Variants in ATAD3B observed in about 807,000 individuals in gnomAD.
ATAD3B encodes ATPase family AAA domain containing 3B.
ATAD3B carries 59 observed loss-of-function variants against 70.2 expected under a neutral mutation model. The ratio of observed to expected loss-of-function variants is 0.84; its 90% CI spans 0.68 to 1.04. The LOEUF (loss-of-function observed/expected upper bound fraction) is 1.04. ATAD3B is among the 50% of genes least tolerant of loss of function. The pLI, the probability that ATAD3B is intolerant of heterozygous loss-of-function variation, is 0.00. For missense variants in ATAD3B, 961 were observed against 913.4 expected, an observed-to-expected ratio of 1.05 and a Z score of -0.67; for synonymous variants, 423 against 388.6, an observed-to-expected ratio of 1.09 and a Z score of -1.04.
chr1:1,491,620 T>G (rs1358748252), intron 15 of ATAD3B, among the ~76,000 whole-genome samples: 1 of 151,978 alleles, frequency 6.6e-6, no homozygotes, highest in Non-Finnish European at 1.5e-5. Context: ...ACACAGGCAT[T>G]GCCGCCTCTG....
intron 6 of ATAD3B, 95 bp downstream of exon 6, chr1:1,482,398 C>G: frequency 6.3e-7 from 1 of 1,581,778 alleles, no homozygotes; most frequent in African/African-American, 1.4e-5. Context: ...CAGGCCTGGC[C>G]GCCATAGGCT....
chr1:1,479,954 GGGCACACCCCACCACACACACACACA>G (rs1639818275), intron 4 of ATAD3B, among the ~76,000 whole-genome samples: 1 of 138,836 alleles, frequency 7.2e-6, no homozygotes. Context: ...CTGCACACAC[GGGCACACCCCACCACACACACACACA>G]GGCATGGACA....
intron 5 of ATAD3B, 21 bp downstream of exon 5, chr1:1,480,957 G>T (rs752703430): frequency 1.9e-6 from 3 of 1,588,410 alleles, no homozygotes; most frequent in Non-Finnish European, 2.6e-6. Context: ...TGCTCTCCTG[G>T]CTGGGGCGGA....
rs1395803622 is a variant in ATAD3B, at chr1:1,480,076, CAT to C, written c.445-790_445-789del. On this transcript the variant is annotated intron_variant, in intron 4 of 15. Coordinates refer to ENST00000673477, the MANE Select transcript of ATAD3B (RefSeq NM_031921.6). ...AGACGGGCACGCACACAGTCCCACA[CAT>C]GGGCACACGCGCACACCGCCGCAAA... Among the ~76,000 whole-genome samples the C allele has an allele frequency of 1.4e-5, 2 of 146,638 alleles. 1 individual carries two copies. Among genetic ancestry groups the C allele is most frequent in the African/African-American group, 5.1e-5 (2 of 39,140 alleles).
chr1:1,506,790 T>TC, the ATAD3B span, among the ~76,000 whole-genome samples: 1,887 of 146,956 alleles, frequency 0.013, 44 homozygotes, highest in African/African-American at 0.044. Flanking sequence ...CTTTTTTCTT[T>TC]TTTTTTTTTT....
chr1:1,498,387 C>T (rs183538630), downstream of ATAD3B, among the ~76,000 whole-genome samples: 102 of 151,990 alleles, frequency 6.7e-4, 1 homozygote, highest in East Asian at 0.013. Context: ...ATCGCCTGAG[C>T]ATGGGAGGCA....
chr1:1,503,306 C>A, the ATAD3B span: 4 of 407,372 alleles, frequency 9.8e-6, no homozygotes, highest in African/African-American at 6.0e-5. Context: ...TTGAATTGGG[C>A]AAGAGCCTCC....
At chr1:1,505,540 T>C in the ATAD3B span, among the ~76,000 whole-genome samples, 33 of 152,278 alleles carry the variant, frequency 2.2e-4, no homozygotes, top group Admixed American at 4.6e-4. Flanking sequence ...CTTCCCAGTC[T>C]GCTAAGTAGC....
At chr1:1,480,516 G>A (rs1025732047) in intron 4 of ATAD3B, among the ~76,000 whole-genome samples, 1 of 147,620 alleles carries the variant, frequency 6.8e-6, no homozygotes, top group South Asian at 2.2e-4. Context: ...GTTGCCTGTT[G>A]TGGGCATTGT....
At chr1:1,483,351 C>T in intron 7 of ATAD3B, 1 of 259,868 alleles carries the variant, frequency 3.8e-6, no homozygotes, top group South Asian at 3.4e-5. Flanking sequence ...CCTGGAATCC[C>T]AGCTGCTTGG....
chr1:1,493,463 A>T lies in ATAD3B; in HGVS notation c.1615-2022A>T, dbSNP rs868850009. Among the ~76,000 whole-genome samples, 13 of 150,026 alleles carry T rather than the reference A, an allele frequency of 8.7e-5. 1 individual carries two copies. The highest frequency in any genetic ancestry group is 2.7e-4 in the Admixed American group (4 of 14,930). On this transcript the variant is annotated intron_variant, in intron 15 of 15. Transcript: ENST00000673477. ...TCTTTTCTTTTCTTTTGGTGGGGGGACCAGTCTCGCTTTTGCCGCCCAGGC... is the reference window on the plus strand; with the variant it reads ...TCTTTTCTTTTCTTTTGGTGGGGGGTCCAGTCTCGCTTTTGCCGCCCAGGC...
Position 1,493,621 on chromosome 1 carries a change from GA to G in ATAD3B, c.1615-1862del, listed in dbSNP as rs929327219. 4.6e-5 allele frequency among the ~76,000 whole-genome samples: 7 copies of G among 151,344 alleles called. No individual in the cohort carries two copies. In the Admixed American group the frequency reaches 4.6e-4, roughly 10 times the overall value. The stretch of plus-strand genomic sequence containing the variant: ...TGTGAGCCACTGCAACCGACCAGTT[GA>G]ATTTTTTTTTTTTAATCATAAAAGT... On this transcript the variant is annotated intron_variant, in intron 15 of 15. Transcript: ENST00000673477.
At chr1:1,491,183 T>A (rs1489871089) in intron 15 of ATAD3B, among the ~76,000 whole-genome samples, 1 of 151,976 alleles carries the variant, frequency 6.6e-6, no homozygotes, top group East Asian at 1.9e-4. Context: ...CTGCTGCTCC[T>A]TGGATACTCC....
Position 1,482,203 on chromosome 1 carries a change from CG to C in ATAD3B, c.583del (p.Ala195ArgfsTer19), listed in dbSNP as rs995148493. 1 of 1,610,986 alleles carries C rather than the reference CG, an allele frequency of 6.2e-7. No homozygotes were observed. Among genetic ancestry groups the C allele is most frequent in the African/African-American group, 1.3e-5 (1 of 74,938 alleles). On this transcript the variant is annotated frameshift_variant, in exon 6 of 16. Coordinates refer to ENST00000673477, the MANE Select transcript of ATAD3B (RefSeq NM_031921.6). LOFTEE classifies it high-confidence loss of function. ...GATGCTGCGAGTGGAGACCGAGGCCCGGGCGCGCGCCAAGGCCGAGCGGGAG... is the reference window on the plus strand; with the variant it reads ...GATGCTGCGAGTGGAGACCGAGGCCCGGCGCGCGCCAAGGCCGAGCGGGAG... ...NEMLRVETEARARAKAERENA... is the reference protein window; with the variant it reads ...NEMLRVETEAXARAKAERENA...
intron 15 of ATAD3B, among the ~76,000 whole-genome samples, chr1:1,491,014 C>T (rs959954490): frequency 2.0e-5 from 3 of 151,908 alleles, no homozygotes; most frequent in South Asian, 2.1e-4. Flanking sequence ...AGGGAATGGT[C>T]GTCAGGACAG....
At chr1:1,498,499 A>G (rs918997200), downstream of ATAD3B, among the ~76,000 whole-genome samples, 1 of 149,740 alleles carries the variant, frequency 6.7e-6, no homozygotes, top group African/African-American at 2.5e-5. Context: ...CAAACCCTTG[A>G]TGATGGCCAT....
chr1:1,480,803 G>A, intron 4 of ATAD3B, 64 bp from the exon 5 acceptor site: 1 of 1,591,000 alleles, frequency 6.3e-7, no homozygotes, highest in South Asian at 1.1e-5. Context: ...CGCAACCTCT[G>A]GATTGGTGTT....
chr1:1,505,736 G>A, the ATAD3B span, among the ~76,000 whole-genome samples: 2 of 152,200 alleles, frequency 1.3e-5, no homozygotes, highest in East Asian at 3.9e-4. Flanking sequence ...CTCCTATCTC[G>A]GTATGGCCTG....
At chr1:1,476,323 AG>A (rs1217991965) in intron 1 of ATAD3B, among the ~76,000 whole-genome samples, 2 of 148,560 alleles carry the variant, frequency 1.3e-5, no homozygotes, top group African/African-American at 2.6e-5. Flanking sequence ...CCCCTGCGTC[AG>A]TCACCTCCAA....
Sources: allele counts gnomAD v4.1 joint callset (sites outside exome capture counted in the v4.1 genomes callset), GRCh38; gene constraint gnomAD v4.1.1; transcripts MANE v1.5; gene names NCBI Gene and HGNC (gene_info 2026-07-23, HGNC 2026-07-21).